Variants in HSD17B3 observed in about 807,000 individuals in gnomAD.
HSD17B3 encodes hydroxysteroid 17-beta dehydrogenase 3.
HSD17B3 carries 29 observed loss-of-function variants against 41.1 expected under a neutral mutation model. The ratio of observed to expected loss-of-function variants is 0.71; its 90% CI spans 0.53 to 0.96. The LOEUF (loss-of-function observed/expected upper bound fraction) is 0.96. Among genes scored for constraint, HSD17B3 ranks in the 40% least tolerant of loss-of-function variants. The pLI is 0.00. For synonymous variants in HSD17B3, 126 were observed against 145.6 expected (o/e 0.87, Z 0.97); for missense variants, 323 against 374.6 (o/e 0.86, Z 1.14).
At chr9:96,300,440 A>T (rs1587801596) in intron 1 of HSD17B3, among the ~76,000 whole-genome samples, 1 of 142,480 alleles carries the variant, frequency 7.0e-6, no homozygotes, top group Middle Eastern at 3.5e-3. Flanking sequence ...TGCATGTCTC[A>T]TGCCATATGT....
intron 2 of HSD17B3, among the ~76,000 whole-genome samples, chr9:96,279,243 G>A (rs1826592247): frequency 6.6e-6 from 1 of 152,218 alleles, no homozygotes; most frequent in Admixed American, 6.5e-5. Context: ...TACCCAAGGT[G>A]GTTGGGCTAC....
chr9:96,250,476 G>A (rs1195876706), intron 5 of HSD17B3: 8 of 1,059,296 alleles, frequency 7.6e-6, no homozygotes, highest in East Asian at 5.2e-5. Context: ...TACACAGGAC[G>A]ATGGGATACC....
rs558105104 is a variant in HSD17B3 at position 96,259,683 on chromosome 9, T to G, written c.202-4740A>C. 7.3e-5 allele frequency among the ~76,000 whole-genome samples: 11 copies of G among 151,712 alleles called. No homozygotes were observed. In the South Asian group the frequency reaches 2.3e-3, roughly 32 times the overall value. On this transcript the variant is annotated intron_variant, in intron 2 of 10. Transcript: ENST00000375263. ...TTGCAGTGAGCCGAGATCACGCCAT[T>G]GCACTCCAGCCTGGGCGACAGAACA...
intron 2 of HSD17B3, among the ~76,000 whole-genome samples, chr9:96,260,806 T>C (rs1825827231): frequency 6.6e-6 from 1 of 151,862 alleles, no homozygotes; most frequent in East Asian, 1.9e-4. Context: ...GTGAAGAGAG[T>C]AGCAACTAAG....
At chr9:96,246,483 C>A in intron 7 of HSD17B3, 73 bp downstream of exon 7, 1 of 1,295,804 alleles carries the variant, frequency 7.7e-7, no homozygotes. Context: ...CTCTGTGTCC[C>A]CAGTCCCTGA....
intron 2 of HSD17B3, among the ~76,000 whole-genome samples, chr9:96,259,088 C>A (rs1261569517): frequency 6.6e-6 from 1 of 152,158 alleles, no homozygotes; most frequent in African/African-American, 2.4e-5. Context: ...CTCTGTTAAC[C>A]ACCTTGATCA....
chr9:96,281,750 C>A (rs115634706), intron 2 of HSD17B3, among the ~76,000 whole-genome samples: 4 of 152,170 alleles, frequency 2.6e-5, no homozygotes, highest in Non-Finnish European at 5.9e-5. Flanking sequence ...GATGAGACTG[C>A]AGGAAAAGAT....
At chr9:96,250,086 G>A in intron 5 of HSD17B3, 9 of 1,359,672 alleles carry the variant, frequency 6.6e-6, no homozygotes, top group Non-Finnish European at 8.5e-6. Flanking sequence ...TTCAAAGGGA[G>A]CTACTCCATT....
chr9:96,251,365 G>A (rs1465222985), intron 5 of HSD17B3, 53 bp downstream of exon 5: 5 of 1,495,138 alleles, frequency 3.3e-6, no homozygotes, highest in Middle Eastern at 1.7e-4. Context: ...ACCCAGCCAG[G>A]GGACCCAGAA....
In HSD17B3 at chr9:96,246,560, A is replaced by C; in HGVS notation, c.520T>G (p.Ser174Ala). 1 of 1,614,138 alleles carries C rather than the reference A, an allele frequency of 6.2e-7. No individual in the cohort carries two copies. Among genetic ancestry groups the C allele is most frequent in the East Asian group, 2.2e-5 (1 of 44,884 alleles). The change falls in exon 7 of 11, where the codon TCA becomes GCA. Residue 174 changes from serine to alanine, a missense_variant. Coordinates refer to ENST00000375263, the MANE Select transcript of HSD17B3 (RefSeq NM_000197.2). ...MTQLILKHME[S>A]RQKGLILNIS... The stretch of plus-strand genomic sequence containing the variant: ...CTTTTTTGAAGAAGGCCTTACCTTG[A>C]TTCCATATGTTTCAGAATTAGCTGT...
intron 2 of HSD17B3, among the ~76,000 whole-genome samples, chr9:96,290,993 C>A (rs954142910): frequency 6.6e-6 from 1 of 152,188 alleles, no homozygotes; most frequent in African/African-American, 2.4e-5. Context: ...CCCACCCACA[C>A]CCCTGCCAGT....
At chr9:96,268,342 T>C (rs1476445726) in intron 2 of HSD17B3, among the ~76,000 whole-genome samples, 1 of 151,884 alleles carries the variant, frequency 6.6e-6, no homozygotes, top group Non-Finnish European at 1.5e-5. Flanking sequence ...AAGATAATAT[T>C]ACAAAAAAAA....
chr9:96,293,649 G>A (rs183307791), intron 2 of HSD17B3, among the ~76,000 whole-genome samples: 1 of 149,556 alleles, frequency 6.7e-6, no homozygotes, highest in East Asian at 1.9e-4. Flanking sequence ...GTGTCTGTGT[G>A]TCTGTGTGTG....
chr9:96,289,130 A>G (rs1034502978), intron 2 of HSD17B3, among the ~76,000 whole-genome samples: 8 of 151,584 alleles, frequency 5.3e-5, no homozygotes, highest in African/African-American at 1.9e-4. Flanking sequence ...AAAAACAGAA[A>G]AAAAAAAGAT....
chr9:96,244,474 A>T, intron 8 of HSD17B3, 80 bp from the exon 9 acceptor site: 1 of 1,279,286 alleles, frequency 7.8e-7, no homozygotes. Flanking sequence ...TTCAAGGGGC[A>T]CTGCAGACAC....
intron 2 of HSD17B3, among the ~76,000 whole-genome samples, chr9:96,287,332 C>G (rs1027049265): frequency 7.2e-5 from 11 of 152,346 alleles, no homozygotes; most frequent in African/African-American, 2.4e-4. Flanking sequence ...CACCAACACA[C>G]ACAGCCACTG....
Position 96,235,443 on chromosome 9 carries a change from G to A in HSD17B3, c.*17C>T, listed in dbSNP as rs751468171. The A allele has an allele frequency of 5.8e-6, 9 of 1,562,302 alleles. No individual in the cohort carries two copies. In the East Asian group the frequency reaches 1.6e-4, roughly 27 times the overall value. On this transcript the variant is annotated 3_prime_UTR_variant, in exon 11 of 11. Transcript: ENST00000375263. ...GACTGGTGAGGAAAAGGTTGTGCTG[G>A]ACTCCTCACCGCCTGGCTACCTGAC...
chr9:96,301,339 G>T (rs561040280), intron 1 of HSD17B3, among the ~76,000 whole-genome samples: 6 of 151,414 alleles, frequency 4.0e-5, no homozygotes, highest in Admixed American at 1.3e-4. Context: ...AGCCGTTGGG[G>T]AGGCCGAGTC....
intron 2 of HSD17B3, among the ~76,000 whole-genome samples, chr9:96,266,213 C>A (rs1039256954): frequency 1.3e-5 from 2 of 152,150 alleles, no homozygotes; most frequent in African/African-American, 4.8e-5. Context: ...CTCCTTTTAG[C>A]GTTTAGTTTT....
Sources: allele counts gnomAD v4.1 joint callset (sites outside exome capture counted in the v4.1 genomes callset), GRCh38; gene constraint gnomAD v4.1.1; transcripts MANE v1.5; gene names NCBI Gene and HGNC (gene_info 2026-07-23, HGNC 2026-07-21).